The following NTM variants were observed in gnomAD, a reference collection of about 807,000 sequenced individuals.
NTM encodes the protein IgLON family member 2.
Under a neutral mutation model 42.1 loss-of-function variants are expected in NTM, and 13 were observed. The ratio of observed to expected loss-of-function variants is 0.31; its 90% CI spans 0.20 to 0.49. NTM has a LOEUF of 0.49. Ranked by LOEUF, NTM falls within the 20% of genes least tolerant of loss-of-function variation. The pLI is 0.99. For synonymous variants in NTM, 187 were observed against 179.2 expected, an observed-to-expected ratio of 1.04 and a Z score of -0.35; for missense variants, 373 against 452.8, an observed-to-expected ratio of 0.82 and a Z score of 1.60.
chr11:132,279,867 A>G (rs1332347808), intron 4 of NTM, among the ~76,000 whole-genome samples: 1 of 152,204 alleles, frequency 6.6e-6, no homozygotes, highest in Non-Finnish European at 1.5e-5. Flanking sequence ...TAATTGTATC[A>G]CAGAACTCTC....
At chr11:131,974,772 T>C (rs1318622163) in intron 2 of NTM, among the ~76,000 whole-genome samples, 2 of 152,326 alleles carry the variant, frequency 1.3e-5, no homozygotes, top group African/African-American at 4.8e-5. Context: ...AGATAACATA[T>C]GTGCAAGGCT....
At chr11:131,419,462 G>A (rs1947285525) in intron 1 of NTM, among the ~76,000 whole-genome samples, 1 of 152,142 alleles carries the variant, frequency 6.6e-6, no homozygotes, top group Non-Finnish European at 1.5e-5. Context: ...CCTAGGCTGA[G>A]GCCTGAAGGA....
intron 3 of NTM, among the ~76,000 whole-genome samples, chr11:132,194,645 G>T (rs1009280886): frequency 6.6e-6 from 1 of 151,880 alleles, no homozygotes; most frequent in African/African-American, 2.4e-5. Context: ...AGAAATAAAA[G>T]GCATCCAAAT....
chr11:132,331,707 G>A (rs1221560230), intron 8 of NTM, among the ~76,000 whole-genome samples: 1 of 152,186 alleles, frequency 6.6e-6, no homozygotes, highest in African/African-American at 2.4e-5. Context: ...GACACAGGGT[G>A]GTAAGTATTT....
chr11:131,422,260 T>C (rs1161594468), intron 1 of NTM, among the ~76,000 whole-genome samples: 5 of 152,182 alleles, frequency 3.3e-5, no homozygotes, highest in Admixed American at 6.5e-5. Context: ...CCTGGCCAAC[T>C]TCAATCTGCT....
At chr11:132,215,152 C>T (rs1054208358) in intron 4 of NTM, among the ~76,000 whole-genome samples, 17 of 152,330 alleles carry the variant, frequency 1.1e-4, no homozygotes, top group South Asian at 4.1e-4. Context: ...TGCACCTTAG[C>T]GGAGGCTCCA....
chr11:131,759,850 G>T (rs370935121), intron 1 of NTM, among the ~76,000 whole-genome samples: 6 of 151,906 alleles, frequency 3.9e-5, no homozygotes, highest in Non-Finnish European at 7.4e-5. Context: ...CTTCAGGAAG[G>T]GATCCAAGTT....
intron 1 of NTM, among the ~76,000 whole-genome samples, chr11:131,867,560 C>CTG (rs932446936): frequency 6.6e-6 from 1 of 151,162 alleles, no homozygotes; most frequent in African/African-American, 2.4e-5. Context: ...GTTTGGGTGT[C>CTG]TGTGTGTGTC....
chr11:131,723,723 T>G (rs34017480), intron 1 of NTM, among the ~76,000 whole-genome samples: 1 of 152,318 alleles, frequency 6.6e-6, no homozygotes, highest in Non-Finnish European at 1.5e-5. Context: ...AGTTTGCTTC[T>G]TGTGTCTTTC....
chr11:132,040,494 T>C (rs1442985729), intron 2 of NTM, among the ~76,000 whole-genome samples: 2 of 152,174 alleles, frequency 1.3e-5, no homozygotes, highest in Non-Finnish European at 2.9e-5. Context: ...CATTTCTTAT[T>C]TCATTAACCT....
chr11:131,698,545 T>G (rs1337019549), intron 1 of NTM, among the ~76,000 whole-genome samples: 2 of 152,176 alleles, frequency 1.3e-5, no homozygotes, highest in Non-Finnish European at 2.9e-5. Context: ...GGAATTGTGA[T>G]TTCCTTTAAA....
At chr11:131,401,609 C>A (rs1945139707) in intron 1 of NTM, among the ~76,000 whole-genome samples, 1 of 150,838 alleles carries the variant, frequency 6.6e-6, no homozygotes. Context: ...CATTGGATAT[C>A]CTTTATACCC....
At chr11:132,063,749 C>T (rs1365924941) in intron 2 of NTM, among the ~76,000 whole-genome samples, 1 of 152,184 alleles carries the variant, frequency 6.6e-6, no homozygotes, top group East Asian at 1.9e-4. Context: ...ACAGACGTGT[C>T]CTTCTTTCCC....
chr11:131,415,243 C>T (rs998183270), intron 1 of NTM, among the ~76,000 whole-genome samples: 1 of 152,136 alleles, frequency 6.6e-6, no homozygotes, highest in Non-Finnish European at 1.5e-5. Context: ...AATCTCCTCG[C>T]AGTGCCCAAT....
intron 7 of NTM, among the ~76,000 whole-genome samples, chr11:132,329,329 T>C (rs2095753738): frequency 6.6e-6 from 1 of 152,214 alleles, no homozygotes; most frequent in Non-Finnish European, 1.5e-5. Context: ...AAACAAGGCA[T>C]CTGCTATCCA....
chr11:132,175,619 G>T (rs1247623921), intron 3 of NTM, among the ~76,000 whole-genome samples: 5 of 150,188 alleles, frequency 3.3e-5, no homozygotes, highest in African/African-American at 9.8e-5. Context: ...ACAGAGTCTC[G>T]CTCAGTCGCC....
chr11:132,328,779 G>A (rs1006556737), intron 7 of NTM, among the ~76,000 whole-genome samples: 16 of 151,862 alleles, frequency 1.1e-4, no homozygotes, highest in African/African-American at 3.9e-4. Context: ...AAAATCACCG[G>A]TACCTAAATA....
chr11:132,292,343 G>C (rs563896698), intron 4 of NTM, among the ~76,000 whole-genome samples: 355 of 152,174 alleles, frequency 2.3e-3, no homozygotes, highest in Middle Eastern at 0.014. Flanking sequence ...CACAAATGTT[G>C]GTCTGTACAT....
At chr11:131,601,719 A>G (rs1224504858) in intron 1 of NTM, among the ~76,000 whole-genome samples, 1 of 152,170 alleles carries the variant, frequency 6.6e-6, no homozygotes, top group Non-Finnish European at 1.5e-5. Flanking sequence ...CTCAAATTGA[A>G]TTGTGGCCTG....
Sources: allele counts gnomAD v4.1 joint callset (sites outside exome capture counted in the v4.1 genomes callset), GRCh38; gene constraint gnomAD v4.1.1; transcripts MANE v1.5; gene names NCBI Gene and HGNC (gene_info 2026-07-23, HGNC 2026-07-21).